AKAP13: variants seen among roughly 807,000 people sequenced by gnomAD.
AKAP13 encodes the protein A-kinase anchoring protein 13, also known as A-kinase anchor protein 13.
In AKAP13, 80 loss-of-function variants were observed where a neutral mutation model predicts 264.5. The ratio of observed to expected loss-of-function variants is 0.30; its 90% confidence interval spans 0.25 to 0.36. The LOEUF is 0.36. Ranked by LOEUF, AKAP13 falls within the 10% of genes least tolerant of loss-of-function variation. AKAP13 has a pLI of 1.00. For synonymous variants in AKAP13, 1,380 were observed against 1,250.2 expected (o/e 1.10, Z -2.19); for missense variants, 3,712 against 3,435.2 (o/e 1.08, Z -2.01).
At chr15:85,642,549 C>T (rs929192372) in intron 9 of AKAP13, among the ~76,000 whole-genome samples, 6 of 152,246 alleles carry the variant, frequency 3.9e-5, no homozygotes, top group Admixed American at 6.5e-5. Flanking sequence ...CACCTCCCCC[C>T]GCCCCATGGC....
intron 1 of AKAP13, among the ~76,000 whole-genome samples, chr15:85,405,847 C>T (rs982514649): frequency 4.6e-5 from 7 of 152,048 alleles, no homozygotes; most frequent in African/African-American, 1.7e-4. Context: ...TGCCCTCACC[C>T]CCCACCCTCT....
intron 1 of AKAP13, among the ~76,000 whole-genome samples, chr15:85,430,278 C>CAATGCCAAGA (rs1304312423): frequency 6.6e-6 from 1 of 152,206 alleles, no homozygotes; most frequent in Non-Finnish European, 1.5e-5. Context: ...AGGTTGAATA[C>CAATGCCAAGA]AACCTCTTCT....
chr15:85,580,643 G>A lies in AKAP13; in HGVS notation c.2575G>A (p.Gly859Arg), dbSNP rs201309736. 9.3e-5 allele frequency: 150 copies of A among 1,614,116 alleles called. No individual in the cohort carries two copies. The highest frequency in any genetic ancestry group is 6.0e-4 in the East Asian group (27 of 44,902). The change falls in exon 7 of 37, where the codon GGG (glycine) becomes AGG (arginine). Residue 859 changes from glycine to arginine, a missense_variant. By Grantham distance (125) the Gly-to-Arg change is moderately radical (BLOSUM62 -2). Coordinates refer to ENST00000394518, the MANE Select transcript of AKAP13 (RefSeq NM_007200.5). ...TSSTAAELQH[G>R]MGNTSLTGLG... ...CTCCACTGCTGCAGAGCTTCAGCAC[G>A]GGATGGGGAATACCAGTCTCACAGG...
intron 13 of AKAP13, 26 bp from the exon 14 acceptor site, chr15:85,669,696 G>A (rs755503659): frequency 4.4e-5 from 66 of 1,494,756 alleles, no homozygotes; most frequent in Non-Finnish European, 5.9e-5. Context: ...TGCTTACAAC[G>A]TGTTCTTCAC....
At chr15:85,478,181 T>C (rs1359339551) in intron 1 of AKAP13, among the ~76,000 whole-genome samples, 1 of 152,264 alleles carries the variant, frequency 6.6e-6, no homozygotes, top group Non-Finnish European at 1.5e-5. Context: ...ACATATTATT[T>C]ATTGCTAAAG....
At chr15:85,456,307 G>A (rs1394357352) in intron 1 of AKAP13, among the ~76,000 whole-genome samples, 1 of 152,122 alleles carries the variant, frequency 6.6e-6, no homozygotes, top group Non-Finnish European at 1.5e-5. Context: ...TTTCTGCTTT[G>A]AATTGAGGAT....
chr15:85,485,004 A>G (rs1018709951), intron 1 of AKAP13, among the ~76,000 whole-genome samples: 2 of 152,202 alleles, frequency 1.3e-5, no homozygotes, highest in Non-Finnish European at 2.9e-5. Flanking sequence ...GGTGTTTGGT[A>G]AAGGACCTAC....
At chr15:85,707,589 A>G (rs1015843189) in intron 17 of AKAP13, among the ~76,000 whole-genome samples, 4 of 152,256 alleles carry the variant, frequency 2.6e-5, no homozygotes, top group African/African-American at 9.6e-5. Flanking sequence ...AGACTTACAC[A>G]TTGATGGCAG....
intron 8 of AKAP13, among the ~76,000 whole-genome samples, chr15:85,613,551 G>T (rs893101922): frequency 1.3e-5 from 2 of 151,398 alleles, no homozygotes; most frequent in Non-Finnish European, 2.9e-5. Flanking sequence ...CGTGGTGGCG[G>T]GCGCCTGTAG....
At chr15:85,585,641 A>C (rs967509257) in intron 7 of AKAP13, 61 bp from the exon 8 acceptor site, 1 of 1,606,490 alleles carries the variant, frequency 6.2e-7, no homozygotes, top group Admixed American at 1.7e-5. Flanking sequence ...ATGTTGTATG[A>C]ATAGTAAGGC....
chr15:85,416,584 GT>G lies in AKAP13; in HGVS notation c.-12+35791del, dbSNP rs886348772. Among the ~76,000 whole-genome samples, 5 of 152,152 alleles carry G rather than the reference GT, an allele frequency of 3.3e-5. 1 individual carries two copies. The highest frequency in any genetic ancestry group is 1.3e-4 in the Admixed American group (2 of 15,286). ...ACTTAATTTCTTCCATGGCTAACTA[GT>G]TTTTAGTGGGCAAAAGGAAATTTGA... On this transcript the variant is annotated intron_variant, in intron 1 of 36. Coordinates refer to ENST00000394518, the MANE Select transcript of AKAP13 (RefSeq NM_007200.5).
At chr15:85,658,450 TC>T in intron 11 of AKAP13, 86 bp from the exon 12 acceptor site, 1 of 1,135,014 alleles carries the variant, frequency 8.8e-7, no homozygotes, top group South Asian at 1.4e-5. Context: ...AGTGTCTCTC[TC>T]CCCAGTGTGG....
chr15:85,720,093 G>A (rs887387106), intron 23 of AKAP13, among the ~76,000 whole-genome samples: 1 of 152,066 alleles, frequency 6.6e-6, no homozygotes, highest in Non-Finnish European at 1.5e-5. Context: ...AATGAGCCAG[G>A]TGTGGTAGTG....
chr15:85,519,756 T>C (rs2076745529), intron 2 of AKAP13, among the ~76,000 whole-genome samples: 1 of 152,184 alleles, frequency 6.6e-6, no homozygotes, highest in Admixed American at 6.5e-5. Context: ...CACTGGAGCA[T>C]TGTTTGTTAA....
At chr15:85,684,571 T>A in intron 15 of AKAP13, 170 bp from the exon 16 acceptor site, 2 of 627,094 alleles carry the variant, frequency 3.2e-6, no homozygotes, top group Non-Finnish European at 2.7e-6. Flanking sequence ...CAAGAAAACA[T>A]TAGTGACGGA....
At chr15:85,623,950 A>G (rs1447858768) in intron 8 of AKAP13, among the ~76,000 whole-genome samples, 4 of 152,230 alleles carry the variant, frequency 2.6e-5, no homozygotes, top group African/African-American at 4.8e-5. Flanking sequence ...TCAAAAAGCT[A>G]GTGTTGACCT....
chr15:85,614,296 A>G (rs1236656245), intron 8 of AKAP13, among the ~76,000 whole-genome samples: 1 of 152,240 alleles, frequency 6.6e-6, no homozygotes, highest in Non-Finnish European at 1.5e-5. Context: ...CTGCCAAAAG[A>G]AATAATGAAT....
At chr15:85,638,475 A>G (rs2082162539) in intron 8 of AKAP13, among the ~76,000 whole-genome samples, 2 of 152,040 alleles carry the variant, frequency 1.3e-5, no homozygotes, top group South Asian at 2.1e-4. Flanking sequence ...AGTGTTCTAT[A>G]TTGTGTTAGC....
At chr15:85,390,066 T>A (rs2070779193) in intron 1 of AKAP13, among the ~76,000 whole-genome samples, 1 of 152,240 alleles carries the variant, frequency 6.6e-6, no homozygotes, top group South Asian at 2.1e-4. Context: ...AATCTTCTCT[T>A]TTCTCTTGGC....
Sources: allele counts gnomAD v4.1 joint callset (sites outside exome capture counted in the v4.1 genomes callset), GRCh38; gene constraint gnomAD v4.1.1; transcripts MANE v1.5; gene names NCBI Gene and HGNC (gene_info 2026-07-23, HGNC 2026-07-21).